CCDC191: variants seen among roughly 807,000 people sequenced by gnomAD.
CCDC191 encodes coiled-coil domain-containing protein 191.
A neutral mutation model predicts 114.0 loss-of-function variants in CCDC191; 99 were observed. The observed-to-expected ratio is 0.87, with a 90% CI of 0.74 to 1.03. CCDC191 has a LOEUF of 1.03. CCDC191 is among the 50% of genes least tolerant of loss of function. The probability of loss-of-function intolerance (pLI) is 0.00; values close to 1 mark genes in which losing one functional copy is unlikely to be tolerated. For missense variants in CCDC191, 973 were observed against 1,087.0 expected (o/e 0.90, Z 1.47); for synonymous variants, 351 against 376.0 (o/e 0.93, Z 0.77).
intron 8 of CCDC191, among the ~76,000 whole-genome samples, chr3:114,017,449 GTT>G (rs1454675488): frequency 6.6e-6 from 1 of 152,166 alleles, no homozygotes; most frequent in East Asian, 1.9e-4. Flanking sequence ...TCTAGATGTT[GTT>G]TTGCCCATTC....
chr3:113,991,014 G>A (rs1318387825), intron 13 of CCDC191, among the ~76,000 whole-genome samples: 5 of 150,214 alleles, frequency 3.3e-5, no homozygotes, highest in Non-Finnish European at 3.0e-5. Context: ...GAAGTGGGCG[G>A]ATCACAAGGT....
intron 7 of CCDC191, among the ~76,000 whole-genome samples, chr3:114,031,094 A>G (rs543914056): frequency 6.6e-6 from 1 of 152,298 alleles, no homozygotes; most frequent in East Asian, 1.9e-4. Flanking sequence ...TCAGCAAGTA[A>G]TTTTTACAAA....
rs138092342 is a variant in CCDC191 at position 113,996,447 on chromosome 3, C to T, written c.2163+5148G>A. On this transcript the variant is annotated intron_variant, in intron 13 of 16. Transcript: ENST00000295878. ...TGTGTGGTGTTACTTCTGAGGTCTC[C>T]GTTCTGTTCCATTAGTCTACATGTC... is the stretch of plus-strand genomic sequence containing the variant. 5.7e-3 allele frequency among the ~76,000 whole-genome samples: 861 copies of T among 152,250 alleles called. 1 individual carries two copies. Among genetic ancestry groups the T allele is most frequent in the Non-Finnish European group, 8.5e-3 (575 of 68,002 alleles).
chr3:114,005,840 C>T lies in CCDC191; in HGVS notation c.1536G>A (p.Leu512=). 1 of 1,614,008 alleles carries T rather than the reference C, an allele frequency of 6.2e-7. No individual in the cohort carries two copies. Among genetic ancestry groups the T allele is most frequent in the Non-Finnish European group, 8.5e-7 (1 of 1,179,988 alleles). The change falls in exon 10 of 17, where the codon CTG becomes CTA. Residue 512 remains leucine, a synonymous_variant. Transcript: ENST00000295878. ...NLQGSLQNVS[L]SAPGNKQHKT... The stretch of plus-strand genomic sequence containing the variant: ...TGTGCTGCTTATTGCCAGGTGCACT[C>T]AGAGAGACATTCTGAAGGGAACCCT...
chr3:114,035,562 T>C (rs1236240712), intron 5 of CCDC191, among the ~76,000 whole-genome samples: 4 of 152,230 alleles, frequency 2.6e-5, no homozygotes, highest in Admixed American at 1.3e-4. Flanking sequence ...CTGTGAATGA[T>C]AGAACAGTGA....
chr3:113,969,131 G>T (rs1349947959), intron 16 of CCDC191, among the ~76,000 whole-genome samples: 1 of 152,186 alleles, frequency 6.6e-6, no homozygotes, highest in African/African-American at 2.4e-5. Context: ...CTCATTTACA[G>T]AGGATGGCAT....
At chr3:114,024,377 G>A (rs959827357) in intron 7 of CCDC191, among the ~76,000 whole-genome samples, 28 of 152,278 alleles carry the variant, frequency 1.8e-4, no homozygotes, top group South Asian at 1.0e-3. Flanking sequence ...TATAAATCAT[G>A]CTGCTATAAA....
intron 1 of CCDC191, 116 bp downstream of exon 1, chr3:114,056,261 G>C (rs749936995): frequency 1.8e-4 from 176 of 960,972 alleles, no homozygotes; most frequent in Non-Finnish European, 2.8e-4. Flanking sequence ...GGTCAAGGCA[G>C]GGGCGTGTCA....
intron 1 of CCDC191, among the ~76,000 whole-genome samples, chr3:114,055,489 G>T (rs547571644): frequency 6.6e-6 from 1 of 152,190 alleles, no homozygotes; most frequent in Non-Finnish European, 1.5e-5. Context: ...AATGCATTTA[G>T]CTGGTAAATT....
rs750623673 is a variant in CCDC191 at position 114,005,670 on chromosome 3, T to C, written c.1706A>G (p.Lys569Arg). ...AATTGTTTTCTGCTGTTCCTGAAGT[T>C]TCTTCTTTTGCTTCTCAATCAGCTG... ...QQQLIEKQKK[K>R]LQEQQKTILE... The change falls in exon 10 of 17, where the codon AAA becomes AGA. Residue 569 changes from lysine to arginine, a missense_variant. By Grantham distance (26) the Lys-to-Arg change is conservative. Coordinates refer to ENST00000295878, the MANE Select transcript of CCDC191 (RefSeq NM_020817.2). The C allele has an allele frequency of 1.9e-6, 3 of 1,614,116 alleles. No homozygotes were observed. In the South Asian group the frequency reaches 3.3e-5, roughly 18 times the overall value.
In CCDC191 at chr3:114,013,413, T is replaced by A. The variant is rs139243754; in HGVS notation, c.1164-2392A>T. ...ACTTCAGCAGAGTGACAATGTTGCA[T>A]ATAAGCCAATTTCTATACTTTCTAA... On this transcript the variant is annotated intron_variant, in intron 8 of 16. Coordinates refer to ENST00000295878, the MANE Select transcript of CCDC191 (RefSeq NM_020817.2). Among the ~76,000 whole-genome samples the A allele has an allele frequency of 9.1e-4, 139 of 152,298 alleles. 3 individuals carry two copies. The East Asian group carries it at 0.015, about 16-fold the overall frequency.
At chr3:113,977,705 G>A (rs528098790) in intron 16 of CCDC191, among the ~76,000 whole-genome samples, 2 of 152,274 alleles carry the variant, frequency 1.3e-5, no homozygotes, top group Non-Finnish European at 2.9e-5. Flanking sequence ...GAGCCTGTGC[G>A]ACAGCAATGT....
chr3:114,022,763 GAT>G (rs1221592693), intron 7 of CCDC191, among the ~76,000 whole-genome samples: 1 of 152,078 alleles, frequency 6.6e-6, no homozygotes, highest in Non-Finnish European at 1.5e-5. Context: ...AGTCCCTGGG[GAT>G]TAGAGAGGTA....
rs1410598924 is a variant in CCDC191 at position 114,006,172 on chromosome 3, G to T, written c.1414-210C>A. 1.2e-5 allele frequency: 8 copies of T among 644,204 alleles called. No individual in the cohort carries two copies. In the South Asian group the frequency reaches 1.3e-4, roughly 11 times the overall value. 39.9% of individuals were successfully genotyped at this position (644,204 alleles called of 1,614,324 possible). On this transcript the variant is annotated intron_variant, in intron 9 of 16. Transcript: ENST00000295878. ...ACCATGAAAACTGGGAGAGTGGCCG[G>T]CTGTGGTGGCTCATGCCTGTAATCC...
Position 113,978,048 on chromosome 3 carries a change from G to T in CCDC191, c.2606+138C>A, listed in dbSNP as rs918993787. On this transcript the variant is annotated intron_variant, in intron 16 of 16. Coordinates refer to ENST00000295878, the MANE Select transcript of CCDC191 (RefSeq NM_020817.2). ...GGGTTTATTACATTGCTGGTGAGCC[G>T]GGACTCCCACCCCTGACTGGTGTTT... 5.9e-5 allele frequency: 51 copies of T among 859,294 alleles called. No individual in the cohort carries two copies. The African/African-American group carries it at 6.4e-4, about 11-fold the overall frequency. 53.2% of individuals were successfully genotyped at this position (859,294 alleles called of 1,614,324 possible). A position where few individuals can be genotyped will look rare whatever the true frequency, so the allele number is the denominator to read the frequency against.
chr3:113,984,461 G>A (rs2075283519), intron 13 of CCDC191: 1 of 152,146 alleles, frequency 6.6e-6, no homozygotes, highest in East Asian at 1.9e-4. Flanking sequence ...TGCTTACTGG[G>A]AAAAGTTATA....
chr3:114,046,790 G>A, intron 2 of CCDC191, 58 bp from the exon 3 acceptor site: 2 of 1,517,880 alleles, frequency 1.3e-6, no homozygotes, highest in Non-Finnish European at 1.8e-6. Flanking sequence ...TTCAGTTAGA[G>A]AATTTCTCTC....
intron 7 of CCDC191, 112 bp downstream of exon 7, chr3:114,031,514 G>A: frequency 6.8e-6 from 6 of 882,730 alleles, no homozygotes; most frequent in Non-Finnish European, 1.1e-5. Flanking sequence ...GGCAGTTTTG[G>A]TATTTGTGAT....
chr3:113,965,338 A>G lies in CCDC191; in HGVS notation c.2628T>C (p.Leu876=). Reference sequence around the variant, plus strand: ...ATTTTACAAACTTCTTCCATGTCCGAAGGGTGATCCAGAGGATCCTCCTTT... The same window carrying G: ...ATTTTACAAACTTCTTCCATGTCCGGAGGGTGATCCAGAGGATCCTCCTTT... ...HSDRRILWIT[L]RTWKKFVKFM... Residue 876 remains leucine, a synonymous_variant, in exon 17 of 17, where the codon CTT becomes CTC. Coordinates refer to ENST00000295878, the MANE Select transcript of CCDC191 (RefSeq NM_020817.2). The G allele has an allele frequency of 6.3e-7, 1 of 1,598,904 alleles. No homozygotes were observed. The highest frequency in any genetic ancestry group is 8.5e-7 in the Non-Finnish European group (1 of 1,173,572).
Sources: allele counts gnomAD v4.1 joint callset (sites outside exome capture counted in the v4.1 genomes callset), GRCh38; gene constraint gnomAD v4.1.1; transcripts MANE v1.5; gene names NCBI Gene and HGNC (gene_info 2026-07-23, HGNC 2026-07-21).